HFM1: variants seen among roughly 807,000 people sequenced by gnomAD.
The protein encoded by HFM1 is probable ATP-dependent DNA helicase HFM1.
A neutral mutation model predicts 192.1 loss-of-function variants in HFM1; 169 were observed. The ratio of observed to expected loss-of-function variants is 0.88; its 90% CI spans 0.78 to 1.00. The LOEUF is 1.00. Among genes scored for constraint, HFM1 ranks in the 50% least tolerant of loss-of-function variants. HFM1 has a pLI of 0.00. For synonymous variants in HFM1, 525 were observed against 537.8 expected, an observed-to-expected ratio of 0.98 and a Z score of 0.33; for missense variants, 1,661 against 1,668.0, an observed-to-expected ratio of 1.00 and a Z score of 0.07.
chr1:91,276,879 A>T, intron 31 of HFM1, 103 bp downstream of exon 31: 1 of 822,410 alleles, frequency 1.2e-6, no homozygotes, highest in Admixed American at 2.6e-5. Flanking sequence ...TGCATTATTA[A>T]GTTGCATAAT....
chr1:91,297,126 G>A (rs564160162), intron 30 of HFM1, among the ~76,000 whole-genome samples: 5 of 152,292 alleles, frequency 3.3e-5, no homozygotes, highest in South Asian at 4.1e-4. Context: ...CTTAGCAAAC[G>A]GCACACCAGG....
At chr1:91,354,853 C>T (rs968229813) in intron 13 of HFM1, among the ~76,000 whole-genome samples, 3 of 152,086 alleles carry the variant, frequency 2.0e-5, no homozygotes, top group East Asian at 3.9e-4. Context: ...AGTTCTTCTA[C>T]CAGATACAAA....
At chr1:91,351,466 C>A in intron 17 of HFM1, 83 bp downstream of exon 17, 4 of 750,512 alleles carry the variant, frequency 5.3e-6, no homozygotes, top group Non-Finnish European at 8.6e-6. Context: ...ATCTCCAAAC[C>A]AAATTTCCCT....
chr1:91,336,276 A>T (rs1654562787), intron 20 of HFM1, among the ~76,000 whole-genome samples: 1 of 142,702 alleles, frequency 7.0e-6, no homozygotes, highest in Non-Finnish European at 1.5e-5. Flanking sequence ...TATGGGATTC[A>T]ATTATAAGTT....
At chr1:91,270,402 T>C (rs1417860239) in intron 34 of HFM1, among the ~76,000 whole-genome samples, 1 of 152,000 alleles carries the variant, frequency 6.6e-6, no homozygotes, top group Non-Finnish European at 1.5e-5. Context: ...ATGTCTGATA[T>C]GTTAACTGTT....
chr1:91,292,180 T>C (rs933075695), intron 30 of HFM1, among the ~76,000 whole-genome samples: 19 of 151,244 alleles, frequency 1.3e-4, no homozygotes, highest in African/African-American at 2.4e-4. Context: ...CTATTCAACA[T>C]AGTGTTGGAA....
intron 30 of HFM1, among the ~76,000 whole-genome samples, chr1:91,284,367 G>A (rs932314434): frequency 2.6e-5 from 4 of 151,970 alleles, no homozygotes; most frequent in South Asian, 4.2e-4. Flanking sequence ...TCAGCCTCCC[G>A]AGTAGCTCGT....
chr1:91,378,403 C>T lies in HFM1; in HGVS notation c.1236G>A (p.Glu412=), dbSNP rs751671306. 21 of 1,588,704 alleles carry T rather than the reference C, an allele frequency of 1.3e-5. No individual in the cohort carries two copies. In the South Asian group the frequency reaches 1.8e-4, roughly 14 times the overall value. ...VQLVRLFLID[E]VHIVKDENRG... ...CTCTGAAAGCGAATGCATTCATTAC[C>T]TCATCAATGAGAAACAGTCGAACCA... The change falls in exon 10 of 39, where the codon GAG becomes GAA. Residue 412 remains glutamate (E), a splice_region_variant and synonymous_variant. Transcript: ENST00000370425.
chr1:91,287,319 G>A (rs922844409), intron 30 of HFM1, among the ~76,000 whole-genome samples: 5 of 152,298 alleles, frequency 3.3e-5, no homozygotes, highest in African/African-American at 7.2e-5. Flanking sequence ...GATCTGAGAA[G>A]GGGCAGACTG....
Position 91,350,876 on chromosome 1 carries a change from T to A in HFM1, c.2073-5A>T, listed in dbSNP as rs1422596455. ...TCAATAAGATGTCTGTGCAAACTAATGAAAAAAAACTTTGCATTATGAATA... is the reference window on the plus strand; with the variant it reads ...TCAATAAGATGTCTGTGCAAACTAAAGAAAAAAAACTTTGCATTATGAATA... On this transcript the variant is annotated splice_region_variant and splice_polypyrimidine_tract_variant and intron_variant, in intron 17 of 38. Coordinates refer to ENST00000370425, the MANE Select transcript of HFM1 (RefSeq NM_001017975.6). 2 of 1,560,046 alleles carry A rather than the reference T, an allele frequency of 1.3e-6. No homozygotes were observed. Among genetic ancestry groups the A allele is most frequent in the Non-Finnish European group, 8.7e-7 (1 of 1,147,010 alleles).
In HFM1 at chr1:91,274,777, A is replaced by G; in HGVS notation, c.3621T>C (p.Leu1207=). 6.3e-7 allele frequency: 1 copy of G among 1,576,012 alleles called. No individual in the cohort carries two copies. The highest frequency in any genetic ancestry group is 8.7e-7 in the Non-Finnish European group (1 of 1,147,434). ...IQMNKSQSVD[L]KEFGFTPKPS... is the part of the protein sequence containing the mutation. ...GTTTTGGAGTAAAACCAAACTCTTT[A>G]AGGTCCACACTTTGAGATTTATTCA... The change falls in exon 33 of 39, where the codon CTT becomes CTC. Residue 1207 remains leucine (L), a synonymous_variant. Transcript: ENST00000370425.
intron 13 of HFM1, among the ~76,000 whole-genome samples, chr1:91,373,296 C>A (rs1452431084): frequency 6.6e-6 from 1 of 151,954 alleles, no homozygotes; most frequent in Non-Finnish European, 1.5e-5. Flanking sequence ...GAAGTATATT[C>A]CCCCACCATA....
chr1:91,319,151 C>A lies in HFM1; in HGVS notation c.2739G>T (p.Leu913Phe). 1.2e-6 allele frequency: 2 copies of A among 1,610,524 alleles called. No individual in the cohort carries two copies. Among genetic ancestry groups the A allele is most frequent in the South Asian group, 1.1e-5 (1 of 89,964 alleles). ...EKKFAVLLNS[L>F]ILAKCFRCKL... is the part of the protein sequence containing the mutation. ...TACACCTAAAACATTTAGCTAAAAT[C>A]AAACTATTCAATAGTACAGCAAACT... The change falls in exon 25 of 39, where the codon TTG becomes TTT. Residue 913 changes from leucine to phenylalanine, a missense_variant. Leu to Phe is a conservative substitution (Grantham distance 22). Transcript: ENST00000370425.
intron 18 of HFM1, 24 bp from the exon 19 acceptor site, chr1:91,347,500 T>G (rs201900664): frequency 2.9e-5 from 45 of 1,552,362 alleles, no homozygotes; most frequent in Non-Finnish European, 3.8e-5. Context: ...AAAAGTAAAA[T>G]AGAATTTAGC....
chr1:91,395,786 T>C (rs549621126), intron 3 of HFM1, among the ~76,000 whole-genome samples: 1 of 152,282 alleles, frequency 6.6e-6, no homozygotes, highest in East Asian at 1.9e-4. Flanking sequence ...TAAAAAAATA[T>C]TGCCATGAAC....
chr1:91,299,344 C>G (rs1042428185), intron 30 of HFM1, among the ~76,000 whole-genome samples: 19 of 152,036 alleles, frequency 1.2e-4, no homozygotes, highest in Non-Finnish European at 2.6e-4. Context: ...GGGAGACTTT[C>G]ACACCCCACT....
chr1:91,347,244 T>C (rs919977491), intron 19 of HFM1, among the ~76,000 whole-genome samples, 185 bp downstream of exon 19: 2 of 152,200 alleles, frequency 1.3e-5, no homozygotes, highest in African/African-American at 2.4e-5. Flanking sequence ...ATAAATTGAT[T>C]AATTCAGCAA....
intron 34 of HFM1, among the ~76,000 whole-genome samples, chr1:91,273,173 C>T (rs1666474692): frequency 6.6e-6 from 1 of 151,886 alleles, no homozygotes; most frequent in Admixed American, 6.6e-5. Context: ...CTAGCTATAT[C>T]CCACAACCTA....
chr1:91,376,838 A>C (rs933131844), intron 11 of HFM1, among the ~76,000 whole-genome samples: 1 of 151,894 alleles, frequency 6.6e-6, no homozygotes, highest in African/African-American at 2.4e-5. Context: ...AGTGTAAATG[A>C]ATATAACATT....
Sources: gnomAD v4.1 joint callset for allele counts (sites outside exome capture counted in the v4.1 genomes callset) on GRCh38, gnomAD v4.1.1 for gene constraint, MANE v1.5 for transcripts, NCBI Gene and HGNC (gene_info 2026-07-23, HGNC 2026-07-21) for gene names.